The following SRGAP3 variants were observed in gnomAD, a reference collection of about 807,000 sequenced individuals.
SRGAP3 encodes the protein SLIT-ROBO Rho GTPase-activating protein 3.
In SRGAP3, 39 loss-of-function variants were observed where a neutral mutation model predicts 121.1. That is an observed-to-expected ratio of 0.32 (90% CI 0.25 to 0.42). The LOEUF (loss-of-function observed/expected upper bound fraction) is 0.42. Among genes scored for constraint, SRGAP3 ranks in the 10% least tolerant of loss-of-function variants. The probability of loss-of-function intolerance (pLI) is 1.00; values close to 1 mark genes in which losing one functional copy is unlikely to be tolerated. For synonymous variants in SRGAP3, 601 were observed against 570.0 expected (o/e 1.05, Z -0.77); for missense variants, 1,213 against 1,470.6 (o/e 0.82, Z 2.86).
intron 1 of SRGAP3, among the ~76,000 whole-genome samples, chr3:9,143,542 C>G (rs1949930050): frequency 6.6e-6 from 1 of 152,122 alleles, no homozygotes; most frequent in African/African-American, 2.4e-5. Flanking sequence ...CTTTTGGATC[C>G]TGAAAGTACT....
intron 19 of SRGAP3, among the ~76,000 whole-genome samples, chr3:8,993,581 T>C (rs993619748): frequency 6.6e-6 from 1 of 152,210 alleles, no homozygotes; most frequent in Non-Finnish European, 1.5e-5. Flanking sequence ...TGTGGTGACT[T>C]GTCCCTGATC....
chr3:9,266,064 C>T (rs915645998), intron 3 of SRGAP3, among the ~76,000 whole-genome samples: 2 of 152,154 alleles, frequency 1.3e-5, no homozygotes, highest in African/African-American at 2.4e-5. Context: ...GAGTTCATGT[C>T]CTTTGCAGGG....
chr3:9,083,249 C>T (rs1321048202), intron 3 of SRGAP3, among the ~76,000 whole-genome samples: 1 of 152,198 alleles, frequency 6.6e-6, no homozygotes, highest in South Asian at 2.1e-4. Context: ...ACCCAAGACC[C>T]TATTTCTTAT....
chr3:9,060,647 C>T (rs7647018), intron 5 of SRGAP3, among the ~76,000 whole-genome samples: 3,689 of 152,162 alleles, frequency 0.024, 163 homozygotes, highest in African/African-American at 0.084. Context: ...ACTATGTTGC[C>T]CAGGCTGATC....
intron 1 of SRGAP3, among the ~76,000 whole-genome samples, chr3:9,233,170 C>T (rs1158478453): frequency 1.3e-5 from 2 of 152,122 alleles, no homozygotes; most frequent in African/African-American, 2.4e-5. Flanking sequence ...AATTAATTAC[C>T]CACACACACA....
intron 1 of SRGAP3, among the ~76,000 whole-genome samples, chr3:9,152,100 TTGTC>T (rs923870141): frequency 1.2e-4 from 18 of 152,210 alleles, no homozygotes; most frequent in African/African-American, 4.3e-4. Context: ...GCAGGGATCA[TTGTC>T]TGTTTGATTC....
intron 3 of SRGAP3, among the ~76,000 whole-genome samples, chr3:9,295,039 A>C (rs546922343): frequency 8.5e-4 from 130 of 152,226 alleles, no homozygotes; most frequent in African/African-American, 3.0e-3. Flanking sequence ...AAGATGCAAA[A>C]AGTGAGGTTT....
chr3:9,009,151 C>T (rs951380879), intron 18 of SRGAP3, among the ~76,000 whole-genome samples: 43 of 152,190 alleles, frequency 2.8e-4, no homozygotes, highest in African/African-American at 1.0e-3. Context: ...GGGGTTCTGT[C>T]ATTAGCAACT....
intron 21 of SRGAP3, among the ~76,000 whole-genome samples, chr3:8,986,362 C>T (rs977947452): frequency 6.6e-6 from 1 of 152,212 alleles, no homozygotes. Context: ...AGAGCCTGGC[C>T]TGACCCCTGG....
chr3:9,037,765 G>A, intron 11 of SRGAP3: 1 of 501,210 alleles, frequency 2.0e-6, no homozygotes, highest in Non-Finnish European at 3.6e-6. Flanking sequence ...CAGCCACTCT[G>A]AGTAGACAAT....
intron 1 of SRGAP3, among the ~76,000 whole-genome samples, chr3:9,344,417 C>T (rs891179980): frequency 7.9e-5 from 12 of 151,632 alleles, no homozygotes; most frequent in Admixed American, 6.6e-5. Context: ...ATCGTGCCAC[C>T]GGACTCTAGC....
intron 3 of SRGAP3, among the ~76,000 whole-genome samples, chr3:9,305,432 T>G (rs954434630): frequency 7.9e-5 from 12 of 151,636 alleles, no homozygotes; most frequent in Non-Finnish European, 1.8e-4. Flanking sequence ...TATTATACTT[T>G]AAGTTCTAGG....
At chr3:9,190,537 C>A (rs1951718551) in intron 1 of SRGAP3, among the ~76,000 whole-genome samples, 1 of 152,162 alleles carries the variant, frequency 6.6e-6, no homozygotes, top group Non-Finnish European at 1.5e-5. Context: ...CTTGCTGTTT[C>A]AGAAGAGAAA....
At chr3:9,339,530 A>T (rs1955747183) in intron 1 of SRGAP3, among the ~76,000 whole-genome samples, 1 of 152,184 alleles carries the variant, frequency 6.6e-6, no homozygotes, top group African/African-American at 2.4e-5. Context: ...TGGCAATGTG[A>T]TATGTGACTG....
intron 1 of SRGAP3, chr3:9,362,707 G>A (rs1320673739): frequency 1.3e-5 from 2 of 152,132 alleles, no homozygotes; most frequent in African/African-American, 4.8e-5. Context: ...ATGACATTTT[G>A]AGAAAGATAT....
At chr3:9,338,786 TACC>T (rs1440043323) in intron 1 of SRGAP3, among the ~76,000 whole-genome samples, 3 of 152,238 alleles carry the variant, frequency 2.0e-5, no homozygotes, top group Non-Finnish European at 1.5e-5. Context: ...TTTGGAATGT[TACC>T]ACATTTACAG....
At chr3:9,226,904 C>G (rs1953005504) in intron 1 of SRGAP3, among the ~76,000 whole-genome samples, 1 of 152,166 alleles carries the variant, frequency 6.6e-6, no homozygotes, top group South Asian at 2.1e-4. Flanking sequence ...GAAATGCAAC[C>G]TGCTATTCAC....
chr3:9,057,850 T>C (rs983241033), intron 7 of SRGAP3, among the ~76,000 whole-genome samples: 2 of 152,158 alleles, frequency 1.3e-5, no homozygotes, highest in African/African-American at 4.8e-5. Context: ...TATCAAAGGC[T>C]TGCAGTGTTG....
At chr3:9,089,767 G>A (rs75312468) in intron 3 of SRGAP3, among the ~76,000 whole-genome samples, 4,087 of 152,266 alleles carry the variant, frequency 0.027, 180 homozygotes, top group African/African-American at 0.092. Flanking sequence ...GGCCACACAA[G>A]ATCATCAGGC....
Sources: gnomAD v4.1 joint callset for allele counts (sites outside exome capture counted in the v4.1 genomes callset) on GRCh38, gnomAD v4.1.1 for gene constraint, MANE v1.5 for transcripts, NCBI Gene and HGNC (gene_info 2026-07-23, HGNC 2026-07-21) for gene names.